Variants in MEOX2 observed in about 807,000 individuals in gnomAD.
MEOX2 encodes mesenchyme homeobox 2.
MEOX2 carries 11 observed loss-of-function variants against 27.0 expected under a neutral mutation model. That is an observed-to-expected ratio of 0.41 (90% CI 0.26 to 0.68). The LOEUF (loss-of-function observed/expected upper bound fraction) is 0.68. Ranked by LOEUF, MEOX2 falls within the 30% of genes least tolerant of loss-of-function variation. MEOX2 has a pLI of 0.33. For missense variants in MEOX2, 436 were observed against 385.4 expected (o/e 1.13, Z -1.10); for synonymous variants, 189 against 155.4 (o/e 1.22, Z -1.61).
intron 1 of MEOX2, among the ~76,000 whole-genome samples, chr7:15,674,807 G>A (rs1342646692): frequency 6.6e-6 from 1 of 152,126 alleles, no homozygotes; most frequent in Non-Finnish European, 1.5e-5. Flanking sequence ...GGGAAGATGG[G>A]TGTGAACAGG....
At chr7:15,664,181 C>T (rs1037999189) in intron 1 of MEOX2, among the ~76,000 whole-genome samples, 1 of 152,136 alleles carries the variant, frequency 6.6e-6, no homozygotes, top group Non-Finnish European at 1.5e-5. Context: ...CACATAAATT[C>T]ATTAATAAGA....
chr7:15,651,287 A>G (rs17168953), intron 1 of MEOX2, among the ~76,000 whole-genome samples: 2,096 of 152,122 alleles, frequency 0.014, 48 homozygotes, highest in African/African-American at 0.048. Flanking sequence ...TCTCCTGCCC[A>G]TAGTAATTAA....
At chr7:15,642,644 A>G (rs1043434501) in intron 1 of MEOX2, among the ~76,000 whole-genome samples, 2 of 152,216 alleles carry the variant, frequency 1.3e-5, no homozygotes, top group Admixed American at 6.5e-5. Context: ...CAATTGCTAA[A>G]GAACTAACAT....
At chr7:15,654,077 T>A (rs968082147) in intron 1 of MEOX2, among the ~76,000 whole-genome samples, 1 of 151,972 alleles carries the variant, frequency 6.6e-6, no homozygotes, top group Non-Finnish European at 1.5e-5. Context: ...TCTTCTTTGA[T>A]TTCCTTCAGC....
intron 1 of MEOX2, among the ~76,000 whole-genome samples, 155 bp from the exon 2 acceptor site, chr7:15,627,073 G>A (rs569686467): frequency 1.3e-5 from 2 of 151,814 alleles, no homozygotes; most frequent in Non-Finnish European, 2.9e-5. Context: ...GCAGCTCAAC[G>A]GGGGGAGATA....
chr7:15,685,166 A>T (rs1465799923), intron 1 of MEOX2, among the ~76,000 whole-genome samples: 1 of 152,218 alleles, frequency 6.6e-6, no homozygotes, highest in African/African-American at 2.4e-5. Context: ...TTCTGTAATT[A>T]GCTTACACCA....
intron 1 of MEOX2, among the ~76,000 whole-genome samples, chr7:15,684,931 T>C (rs1417585397): frequency 6.6e-6 from 1 of 152,278 alleles, no homozygotes; most frequent in Admixed American, 6.5e-5. Flanking sequence ...TGCTACAATT[T>C]ATTCGGCACG....
chr7:15,668,201 C>A (rs1348077514), intron 1 of MEOX2: 2 of 152,186 alleles, frequency 1.3e-5, no homozygotes, highest in African/African-American at 2.4e-5. Context: ...AGACAGAAGA[C>A]CTTTGCCTTC....
intron 1 of MEOX2, among the ~76,000 whole-genome samples, chr7:15,646,832 T>C (rs1404064179): frequency 1.3e-5 from 2 of 151,940 alleles, no homozygotes; most frequent in Non-Finnish European, 2.9e-5. Flanking sequence ...AAGGTGACAG[T>C]TGATTTTAAT....
intron 1 of MEOX2, among the ~76,000 whole-genome samples, chr7:15,678,306 A>C (rs142414619): frequency 3.3e-5 from 5 of 152,328 alleles, no homozygotes; most frequent in Middle Eastern, 3.4e-3. Flanking sequence ...CTTGATTCCA[A>C]CCTATGCAGT....
chr7:15,674,405 G>T (rs929957313), intron 1 of MEOX2, among the ~76,000 whole-genome samples: 1 of 152,082 alleles, frequency 6.6e-6, no homozygotes, highest in Admixed American at 6.5e-5. Context: ...AGAAGAATAT[G>T]GAATAGAACG....
At chr7:15,672,671 T>A (rs1782120889) in intron 1 of MEOX2, among the ~76,000 whole-genome samples, 2 of 152,032 alleles carry the variant, frequency 1.3e-5, no homozygotes, top group African/African-American at 4.8e-5. Context: ...GGTGGGCGGA[T>A]CATGAGGTCA....
At chr7:15,632,620 G>C (rs551996220) in intron 1 of MEOX2, among the ~76,000 whole-genome samples, 2 of 151,628 alleles carry the variant, frequency 1.3e-5, no homozygotes, top group African/African-American at 4.8e-5. Flanking sequence ...ATTTTTAAAG[G>C]CCAGAGACAC....
chr7:15,616,908 A>G (rs17168904), intron 2 of MEOX2, among the ~76,000 whole-genome samples: 9,742 of 152,044 alleles, frequency 0.064, 375 homozygotes, highest in Middle Eastern at 0.13. Context: ...CACGGTCAAG[A>G]AAATGGAGGA....
chr7:15,638,020 T>A (rs558977147), intron 1 of MEOX2, among the ~76,000 whole-genome samples: 1 of 152,258 alleles, frequency 6.6e-6, no homozygotes, highest in African/African-American at 2.4e-5. Flanking sequence ...TTAGTTTACA[T>A]ATTTCATTTG....
intron 1 of MEOX2, among the ~76,000 whole-genome samples, chr7:15,654,820 T>G (rs980663788): frequency 6.6e-6 from 1 of 151,746 alleles, no homozygotes; most frequent in African/African-American, 2.4e-5. Context: ...ACATCTATTT[T>G]AATGAGCAAT....
intron 1 of MEOX2, among the ~76,000 whole-genome samples, chr7:15,655,188 T>A (rs1416473290): frequency 3.3e-5 from 5 of 151,716 alleles, no homozygotes; most frequent in Non-Finnish European, 7.4e-5. Flanking sequence ...TGGTATTTTC[T>A]TTTTGTCCTT....
chr7:15,670,965 T>A (rs1222065400), intron 1 of MEOX2, among the ~76,000 whole-genome samples: 1 of 152,198 alleles, frequency 6.6e-6, no homozygotes, highest in African/African-American at 2.4e-5. Flanking sequence ...AATAATAAGA[T>A]ATCTGAGATG....
At chr7:15,654,570 T>A (rs960327813) in intron 1 of MEOX2, among the ~76,000 whole-genome samples, 1 of 151,818 alleles carries the variant, frequency 6.6e-6, no homozygotes, top group Non-Finnish European at 1.5e-5. Context: ...TGAGGAAGTT[T>A]GCCTCCATTT....
Sources: allele counts gnomAD v4.1 joint callset (sites outside exome capture counted in the v4.1 genomes callset), GRCh38; gene constraint gnomAD v4.1.1; transcripts MANE v1.5; gene names NCBI Gene and HGNC (gene_info 2026-07-23, HGNC 2026-07-21).